Variants in GRIK2 observed in about 807,000 individuals in gnomAD.
The protein encoded by GRIK2 is glutamate receptor ionotropic, kainate 2.
A neutral mutation model predicts 100.3 loss-of-function variants in GRIK2; 32 were observed. The observed-to-expected ratio is 0.32, with a 90% confidence interval of 0.24 to 0.43. The LOEUF (loss-of-function observed/expected upper bound fraction) is 0.43. Among genes scored for constraint, GRIK2 ranks in the 20% least tolerant of loss-of-function variants. The probability of loss-of-function intolerance (pLI) is 1.00; values close to 1 mark genes in which losing one functional copy is unlikely to be tolerated. For synonymous variants in GRIK2, 417 were observed against 389.4 expected, an observed-to-expected ratio of 1.07 and a Z score of -0.83; for missense variants, 843 against 1,114.9, an observed-to-expected ratio of 0.76 and a Z score of 3.47.
rs143584027 is a variant in GRIK2, at chr6:101,872,538, A to G, written c.1524+13045A>G. ...TACCATCTGGTCCCACTCACCGAAC[A>G]TGGGCATTATAGGAACCACAATTCA... On this transcript the variant is annotated intron_variant, in intron 11 of 16. Transcript: ENST00000369134. Among the ~76,000 whole-genome samples, 163 of 151,942 alleles carry G rather than the reference A, an allele frequency of 1.1e-3. 1 individual carries two copies. The highest frequency in any genetic ancestry group is 2.9e-3 in the African/African-American group (121 of 41,516).
At chr6:101,558,841 A>C (rs1336326638) in intron 2 of GRIK2, among the ~76,000 whole-genome samples, 1 of 151,516 alleles carries the variant, frequency 6.6e-6, no homozygotes, top group Non-Finnish European at 1.5e-5. Flanking sequence ...GTCCCTGATG[A>C]CCTCTCTTTT....
chr6:101,814,502 A>C, intron 9 of GRIK2, among the ~76,000 whole-genome samples: 1 of 152,248 alleles, frequency 6.6e-6, no homozygotes, highest in Middle Eastern at 3.6e-3. Context: ...ACAATTATAA[A>C]CCTTTATAAT....
At chr6:101,988,474 T>G (rs74362088) in intron 14 of GRIK2, among the ~76,000 whole-genome samples, 11 of 151,818 alleles carry the variant, frequency 7.2e-5, no homozygotes, top group Non-Finnish European at 1.5e-4. Context: ...TGACAAAGAA[T>G]ATTAGCTCTG....
intron 2 of GRIK2, among the ~76,000 whole-genome samples, chr6:101,483,281 G>GC (rs1008400223): frequency 2.0e-5 from 3 of 152,120 alleles, no homozygotes; most frequent in African/African-American, 7.2e-5. Context: ...CAGAGGAAGT[G>GC]CAAGGCAAGG....
At chr6:101,827,559 T>A (rs552385542) in intron 10 of GRIK2, among the ~76,000 whole-genome samples, 1 of 151,098 alleles carries the variant, frequency 6.6e-6, no homozygotes, top group Admixed American at 6.6e-5. Flanking sequence ...ACCCATAGAC[T>A]CAAAATAAAA....
In GRIK2 at chr6:101,761,722, C is replaced by T. The variant is rs574788169; in HGVS notation, c.952-37926C>T. The stretch of plus-strand genomic sequence containing the variant: ...CAAGGTTATACTTTTATAACAAAAC[C>T]AGATGCAAAGATTTTACCTAATCAG... On this transcript the variant is annotated intron_variant, in intron 7 of 16. Transcript: ENST00000369134. Among the ~76,000 whole-genome samples, 161 of 152,020 alleles carry T rather than the reference C, an allele frequency of 1.1e-3. 1 individual carries two copies. Among genetic ancestry groups the T allele is most frequent in the African/African-American group, 3.0e-3 (126 of 41,450 alleles).
intron 7 of GRIK2, among the ~76,000 whole-genome samples, chr6:101,743,137 T>G (rs1308495353): frequency 1.3e-5 from 2 of 152,192 alleles, no homozygotes; most frequent in Non-Finnish European, 2.9e-5. Flanking sequence ...AGGTCACCTA[T>G]TGGACATTTA....
At chr6:101,892,948 A>C (rs1226642833) in intron 12 of GRIK2, among the ~76,000 whole-genome samples, 2 of 151,418 alleles carry the variant, frequency 1.3e-5, no homozygotes. Flanking sequence ...TCCAAAAATC[A>C]AATGAATTTG....
chr6:101,684,463 T>C (rs370048770), intron 6 of GRIK2, among the ~76,000 whole-genome samples: 8 of 152,136 alleles, frequency 5.3e-5, no homozygotes, highest in African/African-American at 1.9e-4. Flanking sequence ...CCTGAATAGG[T>C]TTTATATCTT....
At chr6:101,972,489 T>G (rs1227824089) in intron 14 of GRIK2, among the ~76,000 whole-genome samples, 1 of 151,960 alleles carries the variant, frequency 6.6e-6, no homozygotes, top group Non-Finnish European at 1.5e-5. Flanking sequence ...TCCTTATGGA[T>G]TCTGGATTTT....
At chr6:101,845,001 G>GTTT (rs1441728588) in intron 10 of GRIK2, among the ~76,000 whole-genome samples, 3 of 143,018 alleles carry the variant, frequency 2.1e-5, no homozygotes, top group Non-Finnish European at 1.5e-5. Context: ...TTCATTGTTT[G>GTTT]TTTGTTGTTG....
chr6:101,762,107 T>TCCTTCCTTC (rs1016215526), intron 7 of GRIK2, among the ~76,000 whole-genome samples: 7 of 145,002 alleles, frequency 4.8e-5, no homozygotes, highest in Non-Finnish European at 1.1e-4. Flanking sequence ...TCCCTTCCTT[T>TCCTTCCTTC]CCTTCCTTCC....
intron 2 of GRIK2, among the ~76,000 whole-genome samples, chr6:101,618,578 T>G (rs1210984105): frequency 1.3e-5 from 2 of 151,818 alleles, no homozygotes; most frequent in East Asian, 3.9e-4. Context: ...TAGTCCAAAT[T>G]TATTGATTTT....
intron 11 of GRIK2, among the ~76,000 whole-genome samples, chr6:101,888,225 G>C (rs916806644): frequency 6.6e-6 from 1 of 152,124 alleles, no homozygotes; most frequent in African/African-American, 2.4e-5. Flanking sequence ...TCTAGGTATA[G>C]ATTCCCACAC....
intron 2 of GRIK2, among the ~76,000 whole-genome samples, chr6:101,528,203 A>G (rs1375881455): frequency 6.6e-6 from 1 of 152,182 alleles, no homozygotes; most frequent in Non-Finnish European, 1.5e-5. Flanking sequence ...AATATTAGCT[A>G]TTATCATTAC....
rs202239555 is a variant in GRIK2 at position 101,433,637 on chromosome 6, C to CT, written c.115+34254dup. Among the ~76,000 whole-genome samples the CT allele has an allele frequency of 6.8e-3, 1,029 of 151,142 alleles. 9 individuals carry two copies. Among genetic ancestry groups the CT allele is most frequent in the Admixed American group, 0.01 (159 of 15,160 alleles). ...AAAATCTCCTACCTCAGGTACTATT[C>CT]TTTTTTTTTCTTACTTATTGTTTTA... On this transcript the variant is annotated intron_variant, in intron 2 of 16. Coordinates refer to ENST00000369134, the MANE Select transcript of GRIK2 (RefSeq NM_021956.5).
rs187969674 is a variant in GRIK2, at chr6:101,644,574, G to A, written c.541+17937G>A. Among the ~76,000 whole-genome samples, 400 of 151,876 alleles carry A rather than the reference G, an allele frequency of 2.6e-3. 1 individual carries two copies. The highest frequency in any genetic ancestry group is 9.3e-3 in the African/African-American group (388 of 41,520). Reference sequence around the variant, plus strand: ...AATTTGAAATTATTAAATATCACTGGACAGGTTGGAGGCATAAATAGGTTC... The same window carrying A: ...AATTTGAAATTATTAAATATCACTGAACAGGTTGGAGGCATAAATAGGTTC... On this transcript the variant is annotated intron_variant, in intron 4 of 16. Coordinates refer to ENST00000369134, the MANE Select transcript of GRIK2 (RefSeq NM_021956.5).
At chr6:101,865,881 C>A (rs1785020615) in intron 11 of GRIK2, among the ~76,000 whole-genome samples, 1 of 148,304 alleles carries the variant, frequency 6.7e-6, no homozygotes, top group Non-Finnish European at 1.5e-5. Context: ...ACAGTGAGAC[C>A]CCGTCTCAAA....
At chr6:101,572,814 TA>T (rs1211295560) in intron 2 of GRIK2, among the ~76,000 whole-genome samples, 2 of 102,052 alleles carry the variant, frequency 2.0e-5, no homozygotes, top group African/African-American at 5.2e-5. Context: ...TATTGTTGTT[TA>T]TTATTTATTT....
Sources: allele counts gnomAD v4.1 joint callset (sites outside exome capture counted in the v4.1 genomes callset), GRCh38; gene constraint gnomAD v4.1.1; transcripts MANE v1.5; gene names NCBI Gene and HGNC (gene_info 2026-07-23, HGNC 2026-07-21).